The following LRRC4C variants were observed in gnomAD, a reference collection of about 807,000 sequenced individuals.
LRRC4C encodes the protein leucine rich repeat containing 4C.
In LRRC4C, 5 loss-of-function variants were observed where a neutral mutation model predicts 33.6. The ratio of observed to expected loss-of-function variants is 0.15; its 90% CI spans 0.08 to 0.31. The LOEUF (loss-of-function observed/expected upper bound fraction) is 0.31, where lower values mean the gene tolerates loss of function less well. Among genes scored for constraint, LRRC4C ranks in the 10% least tolerant of loss-of-function variants. The pLI is 1.00. For synonymous variants in LRRC4C, 329 were observed against 302.0 expected (o/e 1.09, Z -0.93); for missense variants, 560 against 796.7 (o/e 0.70, Z 3.58).
intron 1 of LRRC4C, among the ~76,000 whole-genome samples, chr11:41,372,631 AC>A (rs1472220623): frequency 6.6e-6 from 1 of 152,048 alleles, no homozygotes; most frequent in Admixed American, 6.6e-5. Context: ...AGATACTCTC[AC>A]CCATTTCTGA....
intron 1 of LRRC4C, among the ~76,000 whole-genome samples, chr11:41,282,125 T>C (rs1949696144): frequency 6.6e-6 from 1 of 152,182 alleles, no homozygotes; most frequent in Non-Finnish European, 1.5e-5. Flanking sequence ...AGAGCGATTG[T>C]GAAATGTAAG....
rs963945631 is a variant in LRRC4C, at chr11:41,346,698, G to A, written c.-496+112733C>T. Among the ~76,000 whole-genome samples the A allele has an allele frequency of 2.6e-5, 4 of 152,286 alleles. No homozygotes were observed. The South Asian group carries it at 6.2e-4, about 24-fold the overall frequency. On this transcript the variant is annotated intron_variant, in intron 1 of 6. Coordinates refer to ENST00000528697, the MANE Select transcript of LRRC4C (RefSeq NM_001258419.2). ...TATTAGAATTTCACAAGGCATCTTA[G>A]CTTTCAAAAGGTTCCAAAAAGTTCC...
intron 3 of LRRC4C, among the ~76,000 whole-genome samples, chr11:40,321,094 C>A (rs1040683796): frequency 6.6e-6 from 1 of 152,106 alleles, no homozygotes; most frequent in South Asian, 2.1e-4. Flanking sequence ...CTTCAGCTAT[C>A]CTGATGTTAA....
chr11:40,894,114 C>G (rs1312920856), intron 2 of LRRC4C, among the ~76,000 whole-genome samples: 1 of 152,056 alleles, frequency 6.6e-6, no homozygotes, highest in Non-Finnish European at 1.5e-5. Flanking sequence ...TTTTCCTTAC[C>G]TAATTTCTCT....
chr11:40,797,038 G>C (rs1304968376), intron 2 of LRRC4C, among the ~76,000 whole-genome samples: 3 of 152,148 alleles, frequency 2.0e-5, no homozygotes, highest in Non-Finnish European at 4.4e-5. Flanking sequence ...GGAGTAGACA[G>C]TGGAGAATAA....
At chr11:41,394,055 A>G (rs1953708961) in intron 1 of LRRC4C, among the ~76,000 whole-genome samples, 1 of 151,974 alleles carries the variant, frequency 6.6e-6, no homozygotes, top group South Asian at 2.1e-4. Flanking sequence ...GAGCCTTAAA[A>G]GCATAGACTC....
intron 1 of LRRC4C, among the ~76,000 whole-genome samples, chr11:41,230,418 G>T (rs1947733683): frequency 6.6e-6 from 1 of 151,982 alleles, no homozygotes; most frequent in Non-Finnish European, 1.5e-5. Flanking sequence ...CCTACCTTCA[G>T]TGGAGAGGCA....
At chr11:41,431,666 C>CGCACACACAT (rs1334914121) in intron 1 of LRRC4C, among the ~76,000 whole-genome samples, 1 of 151,840 alleles carries the variant, frequency 6.6e-6, no homozygotes, top group Non-Finnish European at 1.5e-5. Context: ...CGTACACACA[C>CGCACACACAT]GCACACACAT....
chr11:41,183,848 C>G (rs1945565219), intron 1 of LRRC4C, among the ~76,000 whole-genome samples: 1 of 152,200 alleles, frequency 6.6e-6, no homozygotes, highest in African/African-American at 2.4e-5. Context: ...CCTGGACATC[C>G]AGGCATTTCC....
At chr11:40,721,917 C>T (rs539163222) in intron 2 of LRRC4C, among the ~76,000 whole-genome samples, 3 of 152,016 alleles carry the variant, frequency 2.0e-5, no homozygotes, top group Non-Finnish European at 4.4e-5. Context: ...CTCCATCCAG[C>T]CTGGGCGACA....
intron 5 of LRRC4C, among the ~76,000 whole-genome samples, chr11:40,153,765 T>C (rs967524215): frequency 5.9e-5 from 9 of 151,884 alleles, no homozygotes; most frequent in African/African-American, 2.2e-4. Context: ...TAAGAAAATA[T>C]GAATAAAACT....
rs578124741 is a variant in LRRC4C, at chr11:40,473,604, G to C, written c.-269-153883C>G. Reference sequence around the variant, plus strand: ...CATGGTACTGGAAGTTCTGCCCGGGGCAAGTAGGCAAGAGAAAGAAATAAA... The same window carrying C: ...CATGGTACTGGAAGTTCTGCCCGGGCCAAGTAGGCAAGAGAAAGAAATAAA... On this transcript the variant is annotated intron_variant, in intron 3 of 6. Coordinates refer to ENST00000528697, the MANE Select transcript of LRRC4C (RefSeq NM_001258419.2). Among the ~76,000 whole-genome samples, 9 of 152,194 alleles carry C rather than the reference G, an allele frequency of 5.9e-5. No homozygotes were observed. The Middle Eastern group carries it at 0.014, about 230-fold the overall frequency.
At chr11:40,779,514 T>G (rs12274038) in intron 2 of LRRC4C, among the ~76,000 whole-genome samples, 7,777 of 152,302 alleles carry the variant, frequency 0.051, 264 homozygotes, top group African/African-American at 0.092. Flanking sequence ...ATTTCTTATA[T>G]TACCCAGTCC....
intron 2 of LRRC4C, among the ~76,000 whole-genome samples, chr11:40,721,689 G>T (rs61886853): frequency 0.031 from 4,671 of 152,336 alleles, 94 homozygotes; most frequent in Middle Eastern, 0.041. Flanking sequence ...GGTGGCTCAC[G>T]CCTGTAATCC....
At chr11:40,421,757 A>C (rs1448317043) in intron 3 of LRRC4C, among the ~76,000 whole-genome samples, 2 of 152,218 alleles carry the variant, frequency 1.3e-5, no homozygotes, top group South Asian at 4.1e-4. Context: ...TGGACCAATT[A>C]AGATTTCCAG....
chr11:41,128,852 A>G (rs1395053538), intron 1 of LRRC4C, among the ~76,000 whole-genome samples: 1 of 152,032 alleles, frequency 6.6e-6, no homozygotes, highest in East Asian at 1.9e-4. Flanking sequence ...CTGTGAGGAT[A>G]TAACTTCATA....
chr11:40,966,157 C>T (rs558043789), intron 1 of LRRC4C, among the ~76,000 whole-genome samples: 80 of 151,994 alleles, frequency 5.3e-4, no homozygotes, highest in African/African-American at 1.6e-3. Flanking sequence ...CAAGAGTAGA[C>T]GTAATTTCAT....
intron 3 of LRRC4C, among the ~76,000 whole-genome samples, chr11:40,469,426 C>T (rs1245375916): frequency 6.6e-6 from 1 of 152,138 alleles, no homozygotes; most frequent in East Asian, 1.9e-4. Flanking sequence ...CCACCAGGGC[C>T]CTGGGTTTCA....
Position 41,367,448 on chromosome 11 carries a change from T to C in LRRC4C, c.-496+91983A>G, listed in dbSNP as rs138004693. Among the ~76,000 whole-genome samples, 167 of 152,234 alleles carry C rather than the reference T, an allele frequency of 1.1e-3. 1 individual carries two copies. The highest frequency in any genetic ancestry group is 3.9e-3 in the African/African-American group (161 of 41,538). On this transcript the variant is annotated intron_variant, in intron 1 of 6. Transcript: ENST00000528697. ...TCCCAAAAGATTCTGACACCGACCA[T>C]CAAACAACACTTGGGGATACCAGCT...
Sources: allele counts gnomAD v4.1 joint callset (sites outside exome capture counted in the v4.1 genomes callset), GRCh38; gene constraint gnomAD v4.1.1; transcripts MANE v1.5; gene names NCBI Gene and HGNC (gene_info 2026-07-23, HGNC 2026-07-21).